The following DISC1 variants were observed in gnomAD, a reference collection of about 807,000 sequenced individuals.
DISC1 encodes DISC1 scaffold protein, also known as disrupted in schizophrenia 1 protein.
In DISC1, 57 loss-of-function variants were observed where a neutral mutation model predicts 84.5. The ratio of observed to expected loss-of-function variants is 0.67; its 90% CI spans 0.55 to 0.84. The LOEUF (loss-of-function observed/expected upper bound fraction) is 0.84. Among genes scored for constraint, DISC1 ranks in the 40% least tolerant of loss-of-function variants. The probability of loss-of-function intolerance (pLI) is 0.00; values close to 1 mark genes in which losing one functional copy is unlikely to be tolerated. For synonymous variants in DISC1, 411 were observed against 415.2 expected, an observed-to-expected ratio of 0.99 and a Z score of 0.12; for missense variants, 1,000 against 1,057.8, an observed-to-expected ratio of 0.95 and a Z score of 0.76.
In DISC1 at chr1:231,722,685, A is replaced by G. The variant is rs142856955; in HGVS notation, c.1117+20661A>G. The G allele has an allele frequency of 3.0e-5, 48 of 1,601,930 alleles. No individual in the cohort carries two copies. The African/African-American group carries it at 5.1e-4, about 17-fold the overall frequency. On this transcript the variant is annotated intron_variant, in intron 3 of 12. Transcript: ENST00000439617. ...TGACTTCTTTAGACATCATGAAAAG[A>G]AAAAGAGGACCCACGTGGAAGAATA...
At chr1:231,721,486 TG>T (rs2069693884) in intron 3 of DISC1, among the ~76,000 whole-genome samples, 1 of 152,214 alleles carries the variant, frequency 6.6e-6, no homozygotes, top group South Asian at 2.1e-4. Context: ...ATATCAAAAC[TG>T]TATCAAAAGA....
At chr1:231,848,470 T>A (rs569888160) in intron 9 of DISC1, among the ~76,000 whole-genome samples, 5 of 152,284 alleles carry the variant, frequency 3.3e-5, no homozygotes, top group East Asian at 1.9e-4. Context: ...GAAAGCTAGT[T>A]AAAATGCCAG....
At chr1:232,032,754 G>A (rs9726024) in intron 12 of DISC1, among the ~76,000 whole-genome samples, 52,704 of 151,912 alleles carry the variant, frequency 0.35, 9,290 homozygotes, top group Middle Eastern at 0.4. Context: ...TCTAGTTTTG[G>A]AATTTGCCTA....
At chr1:231,836,771 C>G (rs1558631471) in intron 9 of DISC1, among the ~76,000 whole-genome samples, 1 of 152,198 alleles carries the variant, frequency 6.6e-6, no homozygotes, top group Non-Finnish European at 1.5e-5. Context: ...ACCACCTTAA[C>G]TTCCCAGGAT....
At chr1:231,793,416 C>CCCAGTAGAT (rs1160346535) in intron 6 of DISC1, among the ~76,000 whole-genome samples, 2 of 152,156 alleles carry the variant, frequency 1.3e-5, no homozygotes, top group Non-Finnish European at 2.9e-5. Context: ...TTGCTGGGTG[C>CCCAGTAGAT]CCAGTAGATA....
chr1:231,809,668 G>A (rs986027904), intron 8 of DISC1, among the ~76,000 whole-genome samples: 1 of 151,820 alleles, frequency 6.6e-6, no homozygotes, highest in African/African-American at 2.4e-5. Context: ...GATGCTTTTG[G>A]GGAAAATAAG....
intron 6 of DISC1, among the ~76,000 whole-genome samples, chr1:231,774,376 C>T (rs1391942778): frequency 6.6e-6 from 1 of 152,194 alleles, no homozygotes; most frequent in Admixed American, 6.5e-5. Flanking sequence ...TGACCTTTTT[C>T]TCCTGCGATA....
intron 10 of DISC1, among the ~76,000 whole-genome samples, chr1:231,982,409 ATT>A (rs1663745086): frequency 6.8e-6 from 1 of 147,400 alleles, no homozygotes; most frequent in Admixed American, 6.8e-5. Context: ...TCTCCCCTTT[ATT>A]TCTTCTTATC....
chr1:231,649,964 G>C (rs1413055289), intron 1 of DISC1, among the ~76,000 whole-genome samples: 3 of 152,118 alleles, frequency 2.0e-5, no homozygotes, highest in Admixed American at 6.5e-5. Flanking sequence ...GTCTCTGCAC[G>C]TGAGATTGGT....
At chr1:231,708,690 T>A (rs2067409452) in intron 3 of DISC1, among the ~76,000 whole-genome samples, 1 of 152,202 alleles carries the variant, frequency 6.6e-6, no homozygotes, top group Non-Finnish European at 1.5e-5. Flanking sequence ...TCTGTCAATT[T>A]GTCTCCCATC....
chr1:231,818,783 A>T, intron 9 of DISC1: 1 of 1,298,732 alleles, frequency 7.7e-7, no homozygotes. Context: ...CCTTGTTATT[A>T]TTTAGAGCAG....
At chr1:231,774,514 A>G in intron 6 of DISC1, 1 of 345,662 alleles carries the variant, frequency 2.9e-6, no homozygotes, top group Non-Finnish European at 5.7e-6. Context: ...GTGATTCTCA[A>G]GAGGTGATCC....
At chr1:232,001,841 C>T (rs1666730605) in intron 10 of DISC1, among the ~76,000 whole-genome samples, 1 of 152,100 alleles carries the variant, frequency 6.6e-6, no homozygotes, top group South Asian at 2.1e-4. Flanking sequence ...ATTTCCAAGA[C>T]TCGACATTAG....
At position 231,895,430 on chromosome 1, in the gene DISC1, G is replaced by GTATA. The variant is rs148060139; in HGVS notation, c.1982-63386_1982-63383dup. Among the ~76,000 whole-genome samples the GTATA allele has an allele frequency of 7.0e-4, 104 of 149,424 alleles. No individual in the cohort carries two copies. The East Asian group carries it at 8.2e-3, about 12-fold the overall frequency. On this transcript the variant is annotated intron_variant, in intron 9 of 12. Coordinates refer to ENST00000439617, the MANE Select transcript of DISC1 (RefSeq NM_018662.3). The stretch of plus-strand genomic sequence containing the variant: ...ATCTCCCTCATATATATGTGTGTGT[G>GTATA]TATATATATATATATGAGAGAGATA...
rs574287753 is a variant in DISC1, at chr1:231,960,568, C to T, written c.2042+1680C>T. On this transcript the variant is annotated intron_variant, in intron 10 of 12. Transcript: ENST00000439617. Reference sequence around the variant, plus strand: ...TGCCCGGCCACCTCCTTCTTTATATCATTAGAACTGATTGGACACTTATGA... The same window carrying T: ...TGCCCGGCCACCTCCTTCTTTATATTATTAGAACTGATTGGACACTTATGA... Among the ~76,000 whole-genome samples the T allele has an allele frequency of 8.5e-5, 13 of 152,280 alleles. No homozygotes were observed. The South Asian group carries it at 2.7e-3, about 32-fold the overall frequency.
intron 2 of DISC1, among the ~76,000 whole-genome samples, chr1:231,699,508 T>C (rs1401717379): frequency 6.6e-6 from 1 of 152,196 alleles, no homozygotes; most frequent in African/African-American, 2.4e-5. Flanking sequence ...TGTGATGTAT[T>C]AGCAAATCCT....
At chr1:231,750,148 G>A (rs1384314282) in intron 4 of DISC1, 72 bp downstream of exon 4, 2 of 1,554,204 alleles carry the variant, frequency 1.3e-6, no homozygotes, top group East Asian at 4.5e-5. Flanking sequence ...ATAGTGAAGA[G>A]CTGGGAGGAG....
chr1:231,987,918 G>T (rs929250627), intron 10 of DISC1, among the ~76,000 whole-genome samples: 25 of 152,168 alleles, frequency 1.6e-4, no homozygotes, highest in African/African-American at 5.6e-4. Flanking sequence ...GCCTGGTATG[G>T]TGGCTTACAC....
intron 3 of DISC1, among the ~76,000 whole-genome samples, chr1:231,718,260 C>T (rs1362124668): frequency 2.0e-5 from 3 of 152,140 alleles, no homozygotes; most frequent in Non-Finnish European, 4.4e-5. Flanking sequence ...AACCAGTCTT[C>T]TTTCTAAAAC....
Sources: gnomAD v4.1 joint callset for allele counts (sites outside exome capture counted in the v4.1 genomes callset) on GRCh38, gnomAD v4.1.1 for gene constraint, MANE v1.5 for transcripts, NCBI Gene and HGNC (gene_info 2026-07-23, HGNC 2026-07-21) for gene names.